Variants in KRT16 observed in about 807,000 individuals in gnomAD.
KRT16 encodes the protein keratin 16.
Under a neutral mutation model 44.8 loss-of-function variants are expected in KRT16, and 42 were observed. That is an observed-to-expected ratio of 0.94 (90% confidence interval 0.73 to 1.21). The LOEUF (loss-of-function observed/expected upper bound fraction) is 1.21. Ranked by LOEUF, KRT16 falls within the 50% of genes most tolerant of loss-of-function variation. The pLI is 0.00. For missense variants in KRT16, 561 were observed against 626.9 expected (o/e 0.89, Z 1.12); for synonymous variants, 226 against 260.4 (o/e 0.87, Z 1.27).
Position 41,612,621 on chromosome 17 carries a change from C to T in KRT16, c.68G>A (p.Gly23Asp). 4 of 1,596,626 alleles carry T rather than the reference C, an allele frequency of 2.5e-6. No individual in the cohort carries two copies. Among genetic ancestry groups the T allele is most frequent in the Non-Finnish European group, 3.4e-6 (4 of 1,172,652 alleles). ...SMKGSCGIGG[G>D]IGGGSSRISS... is the part of the protein sequence containing the mutation. ...GATGCGGCTGGAGCCGCCCCCGATGCCGCCTCCGATGCCGCAGGAGCCCTT... is the reference window on the plus strand; with the variant it reads ...GATGCGGCTGGAGCCGCCCCCGATGTCGCCTCCGATGCCGCAGGAGCCCTT... Residue 23 changes from glycine to aspartate, a missense_variant, in exon 1 of 8, where the codon GGC (glycine) becomes GAC (aspartate). By Grantham distance (94) the Gly-to-Asp change is moderately conservative. Transcript: ENST00000301653.
At chr17:41,611,252 C>T (rs775511623) in intron 3 of KRT16, 22 bp from the exon 4 acceptor site, 66 of 1,613,806 alleles carry the variant, frequency 4.1e-5, no homozygotes, top group South Asian at 2.4e-4. Context: ...TGGCAGGAGG[C>T]GGTCAGTTCA....
intron 2 of KRT16, 57 bp from the exon 3 acceptor site, chr17:41,611,558 G>C (rs980933287): frequency 6.2e-7 from 1 of 1,610,058 alleles, no homozygotes; most frequent in Non-Finnish European, 8.5e-7. Context: ...TGAGGCTCGG[G>C]GTCTGCTGGC....
rs752556556 is a variant in KRT16, at chr17:41,612,151, C to CA, written c.531+6dup. The stretch of plus-strand genomic sequence containing the variant: ...CTCTCAGTGCTCCATACACCAAAGT[C>CA]ACCCACCTTGTTCCTCAGGTCCTCG... On this transcript the variant is annotated splice_region_variant and intron_variant, in intron 1 of 7. Transcript: ENST00000301653. 6.2e-7 allele frequency: 1 copy of CA among 1,611,962 alleles called. No individual in the cohort carries two copies. Among genetic ancestry groups the CA allele is most frequent in the African/African-American group, 1.3e-5 (1 of 74,860 alleles).
In KRT16 at chr17:41,612,552, T is replaced by A; in HGVS notation, c.137A>T (p.Tyr46Phe). Residue 46 changes from tyrosine (Y) to phenylalanine (F), a missense_variant, in exon 1 of 8, where the codon TAC becomes TTC. Coordinates refer to ENST00000301653, the MANE Select transcript of KRT16 (RefSeq NM_005557.4). Reference sequence around the variant, plus strand: ...AGAGGAGACAGACAGGCCGCCCCCGTAGGTGCTGGGGGCACGGCAGGACCC... The same window carrying A: ...AGAGGAGACAGACAGGCCGCCCCCGAAGGTGCTGGGGGCACGGCAGGACCC... ...AGGSCRAPST[Y>F]GGGLSVSSRF... is the part of the protein sequence containing the mutation. 6.3e-7 allele frequency: 1 copy of A among 1,595,066 alleles called. No homozygotes were observed. The highest frequency in any genetic ancestry group is 1.1e-5 in the South Asian group (1 of 89,464).
chr17:41,611,408 G>T lies in KRT16; in HGVS notation c.708C>A (p.Asp236Glu), dbSNP rs555754233. 1 of 1,614,206 alleles carries T rather than the reference G, an allele frequency of 6.2e-7. No homozygotes were observed. The highest frequency in any genetic ancestry group is 1.3e-5 in the African/African-American group (1 of 75,056). The part of the protein sequence containing the change: ...VLDELTLART[D>E]LEMQIEGLKE... ...TCAGGCCTTCGATCTGCATCTCCAGGTCAGTCCTGGCCAGGGTCAGCTCAT... is the reference window on the plus strand; with the variant it reads ...TCAGGCCTTCGATCTGCATCTCCAGTTCAGTCCTGGCCAGGGTCAGCTCAT... Residue 236 changes from aspartate (D) to glutamate (E), a missense_variant, in exon 3 of 8, where the codon GAC becomes GAA. Transcript: ENST00000301653.
Position 41,610,005 on chromosome 17 carries a change from G to C in KRT16, c.1352C>G (p.Ser451Trp). The change falls in exon 8 of 8, where the codon TCG becomes TGG. Residue 451 changes from serine to tryptophan, a missense_variant. Ser to Trp is a radical substitution (Grantham distance 177). Coordinates refer to ENST00000301653, the MANE Select transcript of KRT16 (RefSeq NM_005557.4). ...REVFTSSSSSSSRQTRPILKE... is the reference protein window; with the variant it reads ...REVFTSSSSSWSRQTRPILKE... ...GAGGATGGGCCGGGTCTGACGGCTC[G>C]AAGAGGACGAGGAGGAGGTGAAGAC... 1.2e-6 allele frequency: 2 copies of C among 1,611,728 alleles called. No homozygotes were observed. Among genetic ancestry groups the C allele is most frequent in the Non-Finnish European group, 1.7e-6 (2 of 1,179,658 alleles).
chr17:41,611,029 C>T (rs1239420862), intron 4 of KRT16, 40 bp downstream of exon 4: 2 of 1,614,036 alleles, frequency 1.2e-6, no homozygotes, highest in East Asian at 2.2e-5. Context: ...AAGCCCCCAG[C>T]TGGGAAGTGC....
Position 41,612,736 on chromosome 17 carries a change from A to G in KRT16, c.-48T>C, listed in dbSNP as rs1198763079. ...GAGTGAGCAGTTGGCTGAAAGAAGG[A>G]AAGGTGCTCAGGAAGGCTGAGAGCG... On this transcript the variant is annotated 5_prime_UTR_variant, in exon 1 of 8. Transcript: ENST00000301653. 1 of 1,547,072 alleles carries G rather than the reference A, an allele frequency of 6.5e-7. No homozygotes were observed. The highest frequency in any genetic ancestry group is 1.2e-5 in the South Asian group (1 of 84,750).
rs570977410 is a variant in KRT16, at chr17:41,612,407, G to C, written c.282C>G (p.Phe94Leu). The change falls in exon 1 of 8, where the codon TTC (phenylalanine) becomes TTG (leucine). Residue 94 changes from phenylalanine (F) to leucine (L), a missense_variant. Transcript: ENST00000301653. The stretch of plus-strand genomic sequence containing the variant: ...CAAAGCCAGCACCCAAGCCACCACC[G>C]AAGCCAGCACCAAGGCCACCACCAT... ...GGYGGGLGAGFGGGLGAGFGG... is the reference protein window; with the variant it reads ...GGYGGGLGAGLGGGLGAGFGG... 32 of 1,613,866 alleles carry C rather than the reference G, an allele frequency of 2.0e-5. No individual in the cohort carries two copies. In the African/African-American group the frequency reaches 3.9e-4, roughly 20 times the overall value.
In KRT16 at chr17:41,612,320, G is replaced by T; in HGVS notation, c.369C>A (p.Asn123Lys). Reference sequence around the variant, plus strand: ...GGTAGGAGGCCAGGCGGTCATTGAGGTTCTGCATGGTCACCTTCTCACTGC... The same window carrying T: ...GGTAGGAGGCCAGGCGGTCATTGAGTTTCTGCATGGTCACCTTCTCACTGC... ...LVGSEKVTMQNLNDRLASYLD... is the reference protein window; with the variant it reads ...LVGSEKVTMQKLNDRLASYLD... The change falls in exon 1 of 8, where the codon AAC becomes AAA. Residue 123 changes from asparagine to lysine, a missense_variant. Coordinates refer to ENST00000301653, the MANE Select transcript of KRT16 (RefSeq NM_005557.4). 1.9e-6 allele frequency: 3 copies of T among 1,614,102 alleles called. No individual in the cohort carries two copies. Among genetic ancestry groups the T allele is most frequent in the Non-Finnish European group, 2.5e-6 (3 of 1,180,024 alleles).
In KRT16 at chr17:41,611,641, G is replaced by T; in HGVS notation, c.612C>A (p.Thr204=). The change falls in exon 2 of 8, where the codon ACC becomes ACA. Residue 204 remains threonine, a splice_region_variant and synonymous_variant. Coordinates refer to ENST00000301653, the MANE Select transcript of KRT16 (RefSeq NM_005557.4). ...NARLAADDFR[T]KYEHELALRQ... ...AGCCCACCATGCTGGCTGCTCACTT[G>T]GTCCTGAAGTCATCGGCTGCCAGCC... The T allele has an allele frequency of 6.2e-7, 1 of 1,611,272 alleles. No homozygotes were observed.
At position 41,610,380 on chromosome 17, in the gene KRT16, C is replaced by G. The variant is rs1489598851; in HGVS notation, c.1231G>C (p.Glu411Gln). ...CGGCGGTAGGTGGCAATCTCCTGCT[C>G]CAGCCGCGTCTTCACATCCAGCAAG... is the stretch of plus-strand genomic sequence containing the variant. ...QILLDVKTRL[E>Q]QEIATYRRLL... Residue 411 changes from glutamate to glutamine, a missense_variant, in exon 6 of 8, where the codon GAG (glutamate) becomes CAG (glutamine). Coordinates refer to ENST00000301653, the MANE Select transcript of KRT16 (RefSeq NM_005557.4). 4 of 1,612,336 alleles carry G rather than the reference C, an allele frequency of 2.5e-6. No homozygotes were observed. The highest frequency in any genetic ancestry group is 3.4e-6 in the Non-Finnish European group (4 of 1,179,874).
rs1908222666 is a variant in KRT16 at position 41,612,172 on chromosome 17, C to G, written c.517G>C (p.Asp173His). ...AAGTCACCCACCTTGTTCCTCAGGT[C>G]CTCGATGGTCTTGAAGTAGGGACTG... is the stretch of plus-strand genomic sequence containing the variant. ...DYSPYFKTIE[D>H]LRNKIIAATI... Residue 173 changes from aspartate to histidine, a missense_variant, in exon 1 of 8, where the codon GAC (aspartate) becomes CAC (histidine). By Grantham distance (81) the Asp-to-His change is moderately conservative. Coordinates refer to ENST00000301653, the MANE Select transcript of KRT16 (RefSeq NM_005557.4). 5 of 1,612,150 alleles carry G rather than the reference C, an allele frequency of 3.1e-6. No individual in the cohort carries two copies. The highest frequency in any genetic ancestry group is 4.2e-6 in the Non-Finnish European group (5 of 1,179,918).
chr17:41,610,010 G>T lies in KRT16; in HGVS notation c.1347C>A (p.Ser449=). The change falls in exon 8 of 8, where the codon TCC becomes TCA. Residue 449 remains serine, a synonymous_variant. Transcript: ENST00000301653. Reference sequence around the variant, plus strand: ...TGGGCCGGGTCTGACGGCTCGAAGAGGACGAGGAGGAGGTGAAGACTGTGG... The same window carrying T: ...TGGGCCGGGTCTGACGGCTCGAAGATGACGAGGAGGAGGTGAAGACTGTGG... The part of the protein sequence containing the change: ...SSREVFTSSS[S]SSSRQTRPIL... 1 of 1,611,566 alleles carries T rather than the reference G, an allele frequency of 6.2e-7. No individual in the cohort carries two copies. The highest frequency in any genetic ancestry group is 2.2e-5 in the East Asian group (1 of 44,874).
In KRT16 at chr17:41,610,247, GA is replaced by G. The variant is rs1908138404; in HGVS notation, c.1281-12del. ...TGCTGGGAGGAAAGGCTGTGGGAGAGAAAAAGCAGGGCAGTCAGTTGTGCTG... is the reference window on the plus strand; with the variant it reads ...TGCTGGGAGGAAAGGCTGTGGGAGAGAAAAGCAGGGCAGTCAGTTGTGCTG... On this transcript the variant is annotated splice_polypyrimidine_tract_variant and intron_variant, in intron 6 of 7. Transcript: ENST00000301653. The G allele has an allele frequency of 6.2e-7, 1 of 1,613,814 alleles. No individual in the cohort carries two copies.
chr17:41,612,710 C>T lies in KRT16; in HGVS notation c.-22G>A, dbSNP rs1447625562. The T allele has an allele frequency of 6.4e-6, 10 of 1,572,222 alleles. No homozygotes were observed. The highest frequency in any genetic ancestry group is 5.2e-6 in the Non-Finnish European group (6 of 1,161,528). On this transcript the variant is annotated 5_prime_UTR_variant, in exon 1 of 8. Coordinates refer to ENST00000301653, the MANE Select transcript of KRT16 (RefSeq NM_005557.4). Reference sequence around the variant, plus strand: ...TCATGGTGCCAAGGAGGGAGGTGAGCGAGTGAGCAGTTGGCTGAAAGAAGG... The same window carrying T: ...TCATGGTGCCAAGGAGGGAGGTGAGTGAGTGAGCAGTTGGCTGAAAGAAGG...
rs1337601820 is a variant in KRT16 at position 41,612,668 on chromosome 17, C to T, written c.21G>A (p.Gln7=). 1 of 1,599,614 alleles carries T rather than the reference C, an allele frequency of 6.3e-7. No homozygotes were observed. The highest frequency in any genetic ancestry group is 1.1e-5 in the South Asian group (1 of 89,360). MTTCSR[Q]FTSSSSMKGS... ...CCTTCATGGAGCTGGAGGAGGTGAA[C>T]TGGCGGCTGCAGGTGGTCATGGTGC... Residue 7 remains glutamine, a synonymous_variant, in exon 1 of 8, where the codon CAG becomes CAA. Coordinates refer to ENST00000301653, the MANE Select transcript of KRT16 (RefSeq NM_005557.4).
intron 3 of KRT16, 50 bp from the exon 4 acceptor site, chr17:41,611,280 C>T (rs1483908764): frequency 5.0e-6 from 8 of 1,613,794 alleles, no homozygotes; most frequent in Admixed American, 1.7e-5. Context: ...TCTCTCCTGG[C>T]CCTGGGTGCA....
Position 41,612,157 on chromosome 17 carries a change from C to A in KRT16, c.531+1G>T. Reference sequence around the variant, plus strand: ...GTGCTCCATACACCAAAGTCACCCACCTTGTTCCTCAGGTCCTCGATGGTC... The same window carrying A: ...GTGCTCCATACACCAAAGTCACCCAACTTGTTCCTCAGGTCCTCGATGGTC... On this transcript the variant is annotated splice_donor_variant, in intron 1 of 7. Transcript: ENST00000301653. LOFTEE classifies it high-confidence loss of function. The A allele has an allele frequency of 1.2e-6, 2 of 1,612,164 alleles. No individual in the cohort carries two copies. The highest frequency in any genetic ancestry group is 1.7e-6 in the Non-Finnish European group (2 of 1,179,886).
Sources: allele counts gnomAD v4.1 joint callset, GRCh38; gene constraint gnomAD v4.1.1; transcripts MANE v1.5; gene names NCBI Gene and HGNC (gene_info 2026-07-23, HGNC 2026-07-21).